ADCYAP1R1: variants seen among roughly 807,000 people sequenced by gnomAD.
ADCYAP1R1 encodes the protein pituitary adenylate cyclase-activating polypeptide type I receptor.
In ADCYAP1R1, 44 loss-of-function variants were observed where a neutral mutation model predicts 67.6. The observed-to-expected ratio is 0.65, with a 90% confidence interval of 0.51 to 0.84. The LOEUF is 0.84. Among genes scored for constraint, ADCYAP1R1 ranks in the 40% least tolerant of loss-of-function variants. The pLI is 0.00. For synonymous variants in ADCYAP1R1, 222 were observed against 219.6 expected (o/e 1.01, Z -0.10); for missense variants, 477 against 587.9 (o/e 0.81, Z 1.95).
At chr7:31,087,105 C>T in intron 11 of ADCYAP1R1, 102 bp downstream of exon 11, 1 of 1,316,922 alleles carries the variant, frequency 7.6e-7, no homozygotes. Context: ...CGCAACAAAC[C>T]ATTCAATGCC....
At chr7:31,062,348 G>T (rs1182290180) in intron 1 of ADCYAP1R1, among the ~76,000 whole-genome samples, 1 of 152,204 alleles carries the variant, frequency 6.6e-6, no homozygotes, top group African/African-American at 2.4e-5. Context: ...TGAGGCCTGA[G>T]CACATGCTTC....
chr7:31,106,768 C>G lies in ADCYAP1R1; in HGVS notation c.*84C>G. On this transcript the variant is annotated 3_prime_UTR_variant, in exon 16 of 16. Transcript: ENST00000304166. Reference sequence around the variant, plus strand: ...CAGCCCACGCATGTTTGCGCCTCTTCCCTCCCCTTGGGCAGGCCCTGGGCT... The same window carrying G: ...CAGCCCACGCATGTTTGCGCCTCTTGCCTCCCCTTGGGCAGGCCCTGGGCT... The G allele has an allele frequency of 6.9e-7, 1 of 1,440,126 alleles. No individual in the cohort carries two copies. The highest frequency in any genetic ancestry group is 1.4e-5 in the South Asian group (1 of 69,020). The allele number at this position is 1,440,126 out of a possible 1,614,324, so 89.2% of individuals were successfully genotyped here. A position where few individuals can be genotyped will look rare whatever the true frequency, so the allele number is the denominator to read the frequency against.
chr7:31,058,604 G>C lies in ADCYAP1R1; in HGVS notation c.-71-4590G>C, dbSNP rs184939578. 2.1e-4 allele frequency among the ~76,000 whole-genome samples: 32 copies of C among 152,282 alleles called. No homozygotes were observed. The East Asian group carries it at 6.2e-3, about 29-fold the overall frequency. On this transcript the variant is annotated intron_variant, in intron 1 of 15. Transcript: ENST00000304166. ...CCTCAGTTTCCCTATCTGCACCTTG[G>C]GAGGTGGGCTTTAAAGTCTATTTCA...
At chr7:31,080,093 G>T (rs1036747000) in intron 4 of ADCYAP1R1, among the ~76,000 whole-genome samples, 20 of 152,192 alleles carry the variant, frequency 1.3e-4, no homozygotes, top group African/African-American at 4.8e-4. Context: ...ACAACGAAAG[G>T]CAAAATGAAT....
rs920280833 is a variant in ADCYAP1R1 at position 31,066,059 on chromosome 7, C to G, written c.157+1123C>G. 2.5e-5 allele frequency among the ~76,000 whole-genome samples: 3 copies of G among 117,988 alleles called. No homozygotes were observed. In the East Asian group the frequency reaches 7.7e-4, roughly 30 times the overall value. 77.4% of individuals were successfully genotyped at this position (117,988 alleles called of 152,430 possible). On this transcript the variant is annotated intron_variant, in intron 3 of 15. Transcript: ENST00000304166. ...GTTGAACGTGGATTCGGGGCCCCAC[C>G]AGTGAGGGAAACTGAGGCAGGGGGC...
chr7:31,073,228 A>G (rs1381271611), intron 3 of ADCYAP1R1, among the ~76,000 whole-genome samples: 2 of 152,160 alleles, frequency 1.3e-5, no homozygotes, highest in East Asian at 3.9e-4. Context: ...AACACAACCC[A>G]CTGGACTAAG....
chr7:31,103,705 G>T (rs1303002420), intron 14 of ADCYAP1R1, among the ~76,000 whole-genome samples: 1 of 152,200 alleles, frequency 6.6e-6, no homozygotes, highest in Admixed American at 6.5e-5. Flanking sequence ...TTTAGGCCAT[G>T]TACCCCTTGA....
chr7:31,068,068 A>G (rs1562631775), intron 3 of ADCYAP1R1, among the ~76,000 whole-genome samples: 1 of 152,158 alleles, frequency 6.6e-6, no homozygotes, highest in Non-Finnish European at 1.5e-5. Flanking sequence ...GATGGAGAGT[A>G]CAGGAAGGTG....
At chr7:31,078,350 C>A (rs80176932) in intron 4 of ADCYAP1R1, among the ~76,000 whole-genome samples, 2,595 of 152,292 alleles carry the variant, frequency 0.017, 97 homozygotes, top group African/African-American at 0.059. Flanking sequence ...TGTCACTCAC[C>A]CTCCAGCCCA....
intron 1 of ADCYAP1R1, among the ~76,000 whole-genome samples, chr7:31,053,198 G>C (rs1794096898): frequency 6.6e-6 from 1 of 152,222 alleles, no homozygotes; most frequent in South Asian, 2.1e-4. Context: ...TGGGGGTTGG[G>C]GTAGGGGCCA....
intron 8 of ADCYAP1R1, among the ~76,000 whole-genome samples, chr7:31,085,070 T>C (rs1255545108): frequency 1.3e-5 from 2 of 152,190 alleles, no homozygotes; most frequent in Non-Finnish European, 2.9e-5. Flanking sequence ...GCTTTTGTCT[T>C]CCTGGTCTAG....
chr7:31,057,095 C>T (rs1054029232), intron 1 of ADCYAP1R1: 7 of 152,182 alleles, frequency 4.6e-5, no homozygotes, highest in African/African-American at 1.7e-4. Context: ...ACACCACACC[C>T]CCTGCCGGGT....
intron 3 of ADCYAP1R1, among the ~76,000 whole-genome samples, chr7:31,068,005 C>T (rs1175800085): frequency 6.6e-6 from 1 of 152,070 alleles, no homozygotes; most frequent in Non-Finnish European, 1.5e-5. Flanking sequence ...CCTGGAAGCC[C>T]CTCTGGAAGA....
chr7:31,076,763 C>A (rs1795242418), intron 3 of ADCYAP1R1, among the ~76,000 whole-genome samples: 1 of 152,152 alleles, frequency 6.6e-6, no homozygotes, highest in Non-Finnish European at 1.5e-5. Flanking sequence ...GGGAGTGGAG[C>A]AGCAGCCTTA....
intron 1 of ADCYAP1R1, among the ~76,000 whole-genome samples, chr7:31,059,498 G>T (rs1049205801): frequency 1.2e-3 from 186 of 152,274 alleles, no homozygotes; most frequent in African/African-American, 4.3e-3. Flanking sequence ...CCCATCCTGA[G>T]CCACTTTTGT....
intron 15 of ADCYAP1R1, among the ~76,000 whole-genome samples, chr7:31,105,152 C>G (rs1398606153): frequency 6.6e-6 from 1 of 152,234 alleles, no homozygotes; most frequent in Admixed American, 6.5e-5. Context: ...AGGCCCCACC[C>G]AAAGAGCAAA....
intron 12 of ADCYAP1R1, among the ~76,000 whole-genome samples, chr7:31,089,350 G>C (rs1795871398): frequency 6.6e-6 from 1 of 150,820 alleles, no homozygotes; most frequent in African/African-American, 2.4e-5. Context: ...TGTTTTGTAG[G>C]GATGATGTTT....
chr7:31,084,288 G>A (rs374444722), intron 7 of ADCYAP1R1, 38 bp downstream of exon 7: 1 of 1,578,098 alleles, frequency 6.3e-7, no homozygotes, highest in Non-Finnish European at 8.7e-7. Context: ...GGTGGTGAGG[G>A]TAGGGCTGAG....
At chr7:31,064,184 G>A (rs1023323467) in intron 2 of ADCYAP1R1, among the ~76,000 whole-genome samples, 10 of 152,188 alleles carry the variant, frequency 6.6e-5, no homozygotes, top group Non-Finnish European at 1.3e-4. Flanking sequence ...TAAGGGTGGC[G>A]AGTAGGCCCC....
Sources: allele counts gnomAD v4.1 joint callset (sites outside exome capture counted in the v4.1 genomes callset), GRCh38; gene constraint gnomAD v4.1.1; transcripts MANE v1.5; gene names NCBI Gene and HGNC (gene_info 2026-07-23, HGNC 2026-07-21).